B4GALT6: variants seen among roughly 807,000 people sequenced by gnomAD.
B4GALT6 encodes the protein UDP-Gal:beta-GlcNAc beta-1,4-galactosyltransferase 6.
B4GALT6 carries 14 observed loss-of-function variants against 46.3 expected under a neutral mutation model. That is an observed-to-expected ratio of 0.30 (90% CI 0.20 to 0.47). B4GALT6 has a LOEUF of 0.47. Among genes scored for constraint, B4GALT6 ranks in the 20% least tolerant of loss-of-function variants. The pLI is 0.99. For missense variants in B4GALT6, 386 were observed against 480.1 expected (o/e 0.80, Z 1.83); for synonymous variants, 168 against 162.0 (o/e 1.04, Z -0.28).
chr18:31,722,300 C>A, the B4GALT6 span, among the ~76,000 whole-genome samples: 8 of 152,136 alleles, frequency 5.3e-5, no homozygotes, highest in Non-Finnish European at 1.2e-4. Context: ...ACAACACACA[C>A]ACACATACAC....
In B4GALT6 at chr18:31,630,385, A is replaced by G. The variant is rs538859982; in HGVS notation, c.776+574T>C. On this transcript the variant is annotated intron_variant, in intron 6 of 8. Transcript: ENST00000306851. ...CAGCTCTGATAACTGTTCATTTTAA[A>G]TTATCTCCAATTAGAGAAGGAAAAG... 2.0e-5 allele frequency among the ~76,000 whole-genome samples: 3 copies of G among 151,092 alleles called. No individual in the cohort carries two copies. In the South Asian group the frequency reaches 6.3e-4, roughly 32 times the overall value.
rs1317075473 is a variant in B4GALT6 at position 31,623,695 on chromosome 18, T to C, written c.*1919A>G. 6.6e-6 allele frequency: 1 copy of C among 152,240 alleles called. No homozygotes were observed. The highest frequency in any genetic ancestry group is 1.5e-5 in the Non-Finnish European group (1 of 67,858). The allele number at this position is 152,240 out of a possible 1,614,324, so 9.4% of individuals were successfully genotyped here. A position where few individuals can be genotyped will look rare whatever the true frequency, so the allele number is the denominator to read the frequency against. ...AACTGAAATATAAATATTTTGGAAATAGTTCTAAGAAATAAATATGAAAAT... is the reference window on the plus strand; with the variant it reads ...AACTGAAATATAAATATTTTGGAAACAGTTCTAAGAAATAAATATGAAAAT... On this transcript the variant is annotated 3_prime_UTR_variant, in exon 9 of 9. Transcript: ENST00000306851.
chr18:31,690,796 T>C (rs1459575788), upstream of B4GALT6, among the ~76,000 whole-genome samples: 2 of 152,180 alleles, frequency 1.3e-5, no homozygotes, highest in Admixed American at 6.5e-5. Flanking sequence ...TTTTAAAAAG[T>C]CATTTTCTTA....
At chr18:31,684,164 T>G (rs893149558) in intron 1 of B4GALT6, 148 bp downstream of exon 1, 35 of 1,331,118 alleles carry the variant, frequency 2.6e-5, no homozygotes, top group Non-Finnish European at 3.5e-5. Flanking sequence ...CTGAAGCAGT[T>G]TGACACGTCT....
the B4GALT6 span, among the ~76,000 whole-genome samples, chr18:31,697,578 T>C: frequency 6.6e-6 from 1 of 152,176 alleles, no homozygotes; most frequent in African/African-American, 2.4e-5. Flanking sequence ...TCCGGGTTAG[T>C]TTAGGGGGAA....
At chr18:31,650,956 C>T (rs767271198) in intron 3 of B4GALT6, among the ~76,000 whole-genome samples, 10 of 152,082 alleles carry the variant, frequency 6.6e-5, no homozygotes, top group South Asian at 2.1e-4. Context: ...TTAGTAGAGA[C>T]GGGGTTTCAC....
intron 1 of B4GALT6, among the ~76,000 whole-genome samples, chr18:31,678,637 C>T (rs2074443473): frequency 6.6e-6 from 1 of 152,208 alleles, no homozygotes; most frequent in African/African-American, 2.4e-5. Context: ...TCTCTCATTT[C>T]ACAGACAAGG....
At chr18:31,667,846 GTAATT>G (rs2074299785) in intron 1 of B4GALT6, among the ~76,000 whole-genome samples, 1 of 152,110 alleles carries the variant, frequency 6.6e-6, no homozygotes, top group African/African-American at 2.4e-5. Context: ...ACTCACGCCT[GTAATT>G]CCTGGGAGGC....
chr18:31,678,206 C>G lies in B4GALT6; in HGVS notation c.115+6106G>C, dbSNP rs572818847. Among the ~76,000 whole-genome samples the G allele has an allele frequency of 3.3e-5, 5 of 152,282 alleles. No individual in the cohort carries two copies. The South Asian group carries it at 1.0e-3, about 32-fold the overall frequency. On this transcript the variant is annotated intron_variant, in intron 1 of 8. Transcript: ENST00000306851. ...TCCAGTATCCCAAACAAAGCACCCT[C>G]TCCAGGGTAATCACAGCTTTAAGAG... is the stretch of plus-strand genomic sequence containing the variant.
upstream of B4GALT6, chr18:31,684,601 G>C (rs1008013590): frequency 7.7e-6 from 10 of 1,301,048 alleles, no homozygotes; most frequent in Non-Finnish European, 9.9e-6. Context: ...GGGAGCGGAC[G>C]GAATGAATGG....
upstream of B4GALT6, among the ~76,000 whole-genome samples, chr18:31,687,236 G>A (rs28552758): frequency 0.073 from 11,159 of 152,232 alleles, 819 homozygotes; most frequent in African/African-American, 0.19. Context: ...ATGAATTAAT[G>A]CCTGTAAAGA....
chr18:31,720,178 G>A, the B4GALT6 span, among the ~76,000 whole-genome samples: 1 of 152,236 alleles, frequency 6.6e-6, no homozygotes, highest in African/African-American at 2.4e-5. Flanking sequence ...AAGCAAGATG[G>A]AGTTGCTTAG....
At chr18:31,688,247 G>GTATATATATACATATATA (rs1555643328), upstream of B4GALT6, among the ~76,000 whole-genome samples, 1 of 106,466 alleles carries the variant, frequency 9.4e-6, no homozygotes, top group African/African-American at 4.8e-5. Context: ...ATAATTGAGT[G>GTATATATATACATATATA]TATATATATA....
In B4GALT6 at chr18:31,624,081, A is replaced by G. The variant is rs999079987; in HGVS notation, c.*1533T>C. The stretch of plus-strand genomic sequence containing the variant: ...AGAATACTGTTCGGCTTTACTGTGG[A>G]AAAATTCATCCAAAATTAAGATATG... On this transcript the variant is annotated 3_prime_UTR_variant, in exon 9 of 9. Coordinates refer to ENST00000306851, the MANE Select transcript of B4GALT6 (RefSeq NM_004775.5). The G allele has an allele frequency of 6.6e-6, 1 of 152,066 alleles. No individual in the cohort carries two copies. The highest frequency in any genetic ancestry group is 2.4e-5 in the African/African-American group (1 of 41,452). The allele number at this position is 152,066 out of a possible 1,614,324, so 9.4% of individuals were successfully genotyped here. A position where few individuals can be genotyped will look rare whatever the true frequency, so the allele number is the denominator to read the frequency against.
chr18:31,682,729 A>C (rs2074494616), intron 1 of B4GALT6, among the ~76,000 whole-genome samples: 1 of 152,202 alleles, frequency 6.6e-6, no homozygotes, highest in African/African-American at 2.4e-5. Flanking sequence ...AGTGTGAAAA[A>C]AACTTTCTCC....
intron 5 of B4GALT6, among the ~76,000 whole-genome samples, chr18:31,636,822 T>C (rs942276782): frequency 6.6e-6 from 1 of 152,216 alleles, no homozygotes; most frequent in Non-Finnish European, 1.5e-5. Flanking sequence ...TTTATTTTTA[T>C]TTTTATTTTT....
In B4GALT6 at chr18:31,623,664, T is replaced by TA. The variant is rs973119423; in HGVS notation, c.*1949dup. 9.2e-5 allele frequency: 14 copies of TA among 152,348 alleles called. No individual in the cohort carries two copies. The South Asian group carries it at 2.1e-3, about 23-fold the overall frequency. 9.4% of individuals were successfully genotyped at this position (152,348 alleles called of 1,614,324 possible). A position where few individuals can be genotyped will look rare whatever the true frequency, so the allele number is the denominator to read the frequency against. On this transcript the variant is annotated 3_prime_UTR_variant, in exon 9 of 9. Coordinates refer to ENST00000306851, the MANE Select transcript of B4GALT6 (RefSeq NM_004775.5). The stretch of plus-strand genomic sequence containing the variant: ...AGAAGGTTTGATTTTTCGAGTACCA[T>TA]AAAAAAACTGAAATATAAATATTTT...
chr18:31,681,202 T>G (rs1266508643), intron 1 of B4GALT6, among the ~76,000 whole-genome samples: 2 of 152,196 alleles, frequency 1.3e-5, no homozygotes, highest in Non-Finnish European at 2.9e-5. Flanking sequence ...AGCAAGAAAA[T>G]GACTACGTTA....
chr18:31,695,256 A>T, the B4GALT6 span, among the ~76,000 whole-genome samples: 1 of 151,922 alleles, frequency 6.6e-6, no homozygotes, highest in Non-Finnish European at 1.5e-5. Context: ...AACTAATGAA[A>T]TAAAAATAGT....
Sources: allele counts gnomAD v4.1 joint callset (sites outside exome capture counted in the v4.1 genomes callset), GRCh38; gene constraint gnomAD v4.1.1; transcripts MANE v1.5; gene names NCBI Gene and HGNC (gene_info 2026-07-23, HGNC 2026-07-21).